PALLD: variants seen among roughly 807,000 people sequenced by gnomAD.
PALLD encodes palladin, cytoskeletal associated protein.
Under a neutral mutation model 123.5 loss-of-function variants are expected in PALLD, and 61 were observed. That is an observed-to-expected ratio of 0.49 (90% confidence interval 0.40 to 0.61). PALLD has a LOEUF of 0.61. Among genes scored for constraint, PALLD ranks in the 20% least tolerant of loss-of-function variants. PALLD has a pLI of 0.00. For missense variants in PALLD, 1,273 were observed against 1,377.0 expected, an observed-to-expected ratio of 0.92 and a Z score of 1.20; for synonymous variants, 465 against 496.4, an observed-to-expected ratio of 0.94 and a Z score of 0.84.
intron 10 of PALLD, among the ~76,000 whole-genome samples, chr4:168,713,690 G>A (rs1027008327): frequency 9.2e-5 from 14 of 152,010 alleles, no homozygotes; most frequent in African/African-American, 3.1e-4. Context: ...GAGGATGACA[G>A]CTTAAGCACA....
intron 10 of PALLD, among the ~76,000 whole-genome samples, chr4:168,880,442 T>G (rs954052211): frequency 2.0e-5 from 3 of 152,234 alleles, no homozygotes; most frequent in Non-Finnish European, 4.4e-5. Context: ...AAGCCATTAT[T>G]ATGTGGTTAC....
At chr4:168,764,054 G>T (rs1267989277) in intron 10 of PALLD, among the ~76,000 whole-genome samples, 1 of 152,054 alleles carries the variant, frequency 6.6e-6, no homozygotes, top group Non-Finnish European at 1.5e-5. Flanking sequence ...GGATATCAGA[G>T]TGCCACGGAT....
chr4:168,510,954 T>C (rs1463353802), intron 1 of PALLD, among the ~76,000 whole-genome samples: 2 of 152,202 alleles, frequency 1.3e-5, no homozygotes, highest in Non-Finnish European at 2.9e-5. Context: ...TGAATATGAA[T>C]GCACATAACT....
At chr4:168,779,939 A>G (rs9991075) in intron 10 of PALLD, among the ~76,000 whole-genome samples, 90,814 of 149,994 alleles carry the variant, frequency 0.61, 27,971 homozygotes, top group Non-Finnish European at 0.66. Context: ...AGAAGGTCTC[A>G]CTCTGTTGCA....
At chr4:168,685,714 C>T (rs377231658) in intron 6 of PALLD, among the ~76,000 whole-genome samples, 155 bp downstream of exon 6, 29 of 147,186 alleles carry the variant, frequency 2.0e-4, no homozygotes, top group Middle Eastern at 3.8e-3. Flanking sequence ...ATTTGTTGAA[C>T]GACTGCCGTG....
intron 1 of PALLD, among the ~76,000 whole-genome samples, chr4:168,504,411 T>C (rs1032798304): frequency 1.3e-5 from 2 of 152,128 alleles, no homozygotes; most frequent in East Asian, 1.9e-4. Context: ...CTGGCCAATA[T>C]GGTGAAACCC....
At chr4:168,900,976 T>C (rs1274417355) in intron 14 of PALLD, among the ~76,000 whole-genome samples, 3 of 152,230 alleles carry the variant, frequency 2.0e-5, no homozygotes, top group Non-Finnish European at 2.9e-5. Flanking sequence ...TATAGAATAC[T>C]ACATTAACAT....
intron 2 of PALLD, among the ~76,000 whole-genome samples, chr4:168,657,685 G>T (rs1190291935): frequency 6.6e-6 from 1 of 152,214 alleles, no homozygotes; most frequent in Non-Finnish European, 1.5e-5. Context: ...GCCAGCAGTT[G>T]TGCCAATAGG....
chr4:168,916,646 A>G (rs532500248), intron 17 of PALLD, among the ~76,000 whole-genome samples: 7 of 150,908 alleles, frequency 4.6e-5, no homozygotes, highest in African/African-American at 1.5e-4. Context: ...TTGTATCCAT[A>G]TATCTACTCT....
chr4:168,849,987 T>C (rs1385828127), intron 10 of PALLD, among the ~76,000 whole-genome samples: 2 of 152,302 alleles, frequency 1.3e-5, no homozygotes, highest in East Asian at 3.9e-4. Flanking sequence ...TGTCATAAAA[T>C]ACAATGAATA....
chr4:168,914,172 T>C, intron 16 of PALLD, 151 bp downstream of exon 16: 2 of 665,892 alleles, frequency 3.0e-6, no homozygotes, highest in Non-Finnish European at 5.4e-6. Context: ...TCCTTGATTA[T>C]TATGCTCCCT....
At chr4:168,832,123 C>T (rs1471730743) in intron 10 of PALLD, 3 of 975,892 alleles carry the variant, frequency 3.1e-6, no homozygotes, top group Admixed American at 6.2e-5. Context: ...CTCCCGCTCG[C>T]TCCGGACGCG....
intron 10 of PALLD, among the ~76,000 whole-genome samples, chr4:168,834,824 G>A (rs774790270): frequency 3.9e-5 from 6 of 152,140 alleles, no homozygotes; most frequent in Non-Finnish European, 8.8e-5. Flanking sequence ...TTAAAACTTT[G>A]CTCATGAACT....
At chr4:168,529,224 C>T (rs1336440414) in intron 2 of PALLD, among the ~76,000 whole-genome samples, 2 of 152,028 alleles carry the variant, frequency 1.3e-5, no homozygotes, top group African/African-American at 4.8e-5. Context: ...GTAATCCCAG[C>T]TACTCTGGAG....
At chr4:168,565,023 C>T (rs1188117784) in intron 2 of PALLD, among the ~76,000 whole-genome samples, 3 of 116,048 alleles carry the variant, frequency 2.6e-5, no homozygotes, top group African/African-American at 1.0e-4. Context: ...CCATCTCTAC[C>T]AAAAAAAAAA....
intron 10 of PALLD, among the ~76,000 whole-genome samples, chr4:168,712,488 A>G (rs1448044374): frequency 2.6e-5 from 4 of 152,108 alleles, no homozygotes; most frequent in South Asian, 2.1e-4. Flanking sequence ...GGAGCTGCAT[A>G]TTTCCATGAA....
chr4:168,921,921 C>T (rs981478576), intron 18 of PALLD, among the ~76,000 whole-genome samples, 180 bp downstream of exon 18: 15 of 152,090 alleles, frequency 9.9e-5, no homozygotes, highest in Admixed American at 7.9e-4. Flanking sequence ...AGAAATCTTT[C>T]ATTTCTCCCA....
intron 2 of PALLD, among the ~76,000 whole-genome samples, chr4:168,612,726 G>A (rs1304727070): frequency 1.3e-5 from 2 of 152,076 alleles, no homozygotes; most frequent in East Asian, 3.8e-4. Context: ...TTTTTTTCCT[G>A]TTTTACTAGA....
chr4:168,754,071 T>C (rs1321374438), intron 10 of PALLD, among the ~76,000 whole-genome samples: 2 of 152,234 alleles, frequency 1.3e-5, no homozygotes, highest in Non-Finnish European at 2.9e-5. Flanking sequence ...CAGAGCTTTT[T>C]AAAATAAGAA....
Sources: gnomAD v4.1 joint callset for allele counts (sites outside exome capture counted in the v4.1 genomes callset) on GRCh38, gnomAD v4.1.1 for gene constraint, MANE v1.5 for transcripts, NCBI Gene and HGNC (gene_info 2026-07-23, HGNC 2026-07-21) for gene names.